INPP4B: variants seen among roughly 807,000 people sequenced by gnomAD.
The protein encoded by INPP4B is inositol polyphosphate 4-phosphatase type II.
A neutral mutation model predicts 122.5 loss-of-function variants in INPP4B; 55 were observed. The observed-to-expected ratio is 0.45, with a 90% CI of 0.36 to 0.56. The LOEUF is 0.56. Ranked by LOEUF, INPP4B falls within the 20% of genes least tolerant of loss-of-function variation. The pLI is 0.00. For missense variants in INPP4B, 1,000 were observed against 1,097.7 expected (o/e 0.91, Z 1.26); for synonymous variants, 403 against 388.7 (o/e 1.04, Z -0.43).
At chr4:142,229,640 G>T (rs1013659476) in intron 12 of INPP4B, among the ~76,000 whole-genome samples, 1 of 152,156 alleles carries the variant, frequency 6.6e-6, no homozygotes, top group Non-Finnish European at 1.5e-5. Context: ...GGCACCTCAA[G>T]ATCAGATGCA....
intron 18 of INPP4B, among the ~76,000 whole-genome samples, chr4:142,142,652 CAGA>C (rs1179247133): frequency 6.6e-6 from 1 of 151,996 alleles, no homozygotes; most frequent in Non-Finnish European, 1.5e-5. Flanking sequence ...AGGATGTCAT[CAGA>C]AGGACACAGA....
chr4:142,736,651 A>G (rs1766955036), intron 1 of INPP4B, among the ~76,000 whole-genome samples: 1 of 152,164 alleles, frequency 6.6e-6, no homozygotes, highest in South Asian at 2.1e-4. Flanking sequence ...TTGGTTTTGT[A>G]TCCTGAGACT....
At chr4:142,803,191 G>A (rs116779365) in intron 1 of INPP4B, among the ~76,000 whole-genome samples, 6,449 of 90,302 alleles carry the variant, frequency 0.071, 224 homozygotes, top group South Asian at 0.14. Context: ...AAAAAAGAAA[G>A]AAAGAAAGAA....
At chr4:142,434,964 AG>A (rs1810112707) in intron 3 of INPP4B, among the ~76,000 whole-genome samples, 1 of 152,204 alleles carries the variant, frequency 6.6e-6, no homozygotes, top group Admixed American at 6.5e-5. Context: ...CCACATTCAA[AG>A]CAATCCTGGG....
chr4:142,124,027 C>G (rs566328343), intron 19 of INPP4B, among the ~76,000 whole-genome samples: 41 of 152,160 alleles, frequency 2.7e-4, no homozygotes, highest in African/African-American at 7.2e-4. Flanking sequence ...CACCAGCACA[C>G]CCACCGTGAT....
At chr4:142,673,400 C>T (rs1757273134) in intron 2 of INPP4B, among the ~76,000 whole-genome samples, 1 of 149,978 alleles carries the variant, frequency 6.7e-6, no homozygotes, top group African/African-American at 2.5e-5. Flanking sequence ...GCTCTTCATG[C>T]CAATAAACCA....
intron 1 of INPP4B, among the ~76,000 whole-genome samples, chr4:142,767,014 A>G (rs1387654359): frequency 6.6e-6 from 1 of 152,200 alleles, no homozygotes; most frequent in Non-Finnish European, 1.5e-5. Context: ...AGATTGGGGA[A>G]TAAAGCCACC....
chr4:142,727,174 A>G (rs1257912446), intron 1 of INPP4B, among the ~76,000 whole-genome samples: 1 of 152,214 alleles, frequency 6.6e-6, no homozygotes, highest in Non-Finnish European at 1.5e-5. Flanking sequence ...GGTGAAAAAG[A>G]TTGAATAGCA....
At chr4:142,831,543 A>C (rs1001137076) in intron 1 of INPP4B, among the ~76,000 whole-genome samples, 1 of 152,200 alleles carries the variant, frequency 6.6e-6, no homozygotes, top group Non-Finnish European at 1.5e-5. Flanking sequence ...CACAAGGGTA[A>C]AGAAAGATTC....
chr4:142,100,712 TACAG>T (rs1345785638), intron 23 of INPP4B, among the ~76,000 whole-genome samples: 1 of 152,134 alleles, frequency 6.6e-6, no homozygotes, highest in Non-Finnish European at 1.5e-5. Context: ...CCTCAAAGTT[TACAG>T]ACAGTGAAAA....
chr4:142,718,905 TA>T (rs1454832854), intron 2 of INPP4B, among the ~76,000 whole-genome samples: 1 of 152,190 alleles, frequency 6.6e-6, no homozygotes, highest in African/African-American at 2.4e-5. Flanking sequence ...AGTATGAAAG[TA>T]CATATTCCCT....
intron 12 of INPP4B, among the ~76,000 whole-genome samples, chr4:142,222,595 T>A (rs767459335): frequency 2.6e-5 from 4 of 152,236 alleles, no homozygotes; most frequent in Non-Finnish European, 5.9e-5. Context: ...TTAGGTATTG[T>A]GCTAAATTCC....
intron 2 of INPP4B, among the ~76,000 whole-genome samples, chr4:142,652,573 A>G (rs1221696337): frequency 1.3e-5 from 2 of 151,598 alleles, no homozygotes; most frequent in Admixed American, 6.6e-5. Context: ...CTAAACACCA[A>G]TAACAAACAG....
intron 2 of INPP4B, among the ~76,000 whole-genome samples, chr4:142,575,185 C>T (rs1297201391): frequency 1.3e-5 from 2 of 151,476 alleles, no homozygotes; most frequent in Non-Finnish European, 2.9e-5. Context: ...TCCAATTTGA[C>T]CCATAGTGCC....
At chr4:142,581,717 A>G (rs1735128203) in intron 2 of INPP4B, among the ~76,000 whole-genome samples, 1 of 151,832 alleles carries the variant, frequency 6.6e-6, no homozygotes, top group South Asian at 2.1e-4. Flanking sequence ...TTTCCTTCAG[A>G]TTACCTGAAA....
At chr4:142,346,389 G>A (rs1336777112) in intron 7 of INPP4B, among the ~76,000 whole-genome samples, 1 of 151,844 alleles carries the variant, frequency 6.6e-6, no homozygotes, top group Non-Finnish European at 1.5e-5. Flanking sequence ...GCTTAGAAAG[G>A]AAATCAAAGA....
Position 142,802,878 on chromosome 4 carries a change from T to C in INPP4B, c.-254+43331A>G, listed in dbSNP as rs149735473. Among the ~76,000 whole-genome samples, 105 of 151,784 alleles carry C rather than the reference T, an allele frequency of 6.9e-4. No individual in the cohort carries two copies. In the Middle Eastern group the frequency reaches 0.017, roughly 25 times the overall value. ...GCGGTATCTGGTAGGATGTAAGAAA[T>C]GAAACATCAGGCTGGGTGCGGTGGC... On this transcript the variant is annotated intron_variant, in intron 1 of 25. Transcript: ENST00000262992.
At chr4:142,840,104 A>C (rs906929967) in intron 1 of INPP4B, among the ~76,000 whole-genome samples, 3 of 152,310 alleles carry the variant, frequency 2.0e-5, no homozygotes, top group Admixed American at 2.0e-4. Flanking sequence ...ATTGTAAAAC[A>C]AGTTTCAGCT....
intron 10 of INPP4B, among the ~76,000 whole-genome samples, chr4:142,269,220 A>T (rs1460686731): frequency 6.6e-6 from 1 of 152,096 alleles, no homozygotes; most frequent in Non-Finnish European, 1.5e-5. Flanking sequence ...TCTCCCTTTC[A>T]CATATAAAAT....
Sources: gnomAD v4.1 joint callset for allele counts (sites outside exome capture counted in the v4.1 genomes callset) on GRCh38, gnomAD v4.1.1 for gene constraint, MANE v1.5 for transcripts, NCBI Gene and HGNC (gene_info 2026-07-23, HGNC 2026-07-21) for gene names.